GOLPH3: variants seen among roughly 807,000 people sequenced by gnomAD.
GOLPH3 encodes the protein coat protein GPP34.
Under a neutral mutation model 28.5 loss-of-function variants are expected in GOLPH3, and 14 were observed. The ratio of observed to expected loss-of-function variants is 0.49; its 90% CI spans 0.32 to 0.77. GOLPH3 has a LOEUF of 0.77. Ranked by LOEUF, GOLPH3 falls within the 30% of genes least tolerant of loss-of-function variation. The pLI is 0.03. For missense variants in GOLPH3, 350 were observed against 393.7 expected, an observed-to-expected ratio of 0.89 and a Z score of 0.94; for synonymous variants, 158 against 159.2, an observed-to-expected ratio of 0.99 and a Z score of 0.06.
chr5:32,162,817 G>A (rs1200789959), intron 1 of GOLPH3, among the ~76,000 whole-genome samples: 6 of 152,172 alleles, frequency 3.9e-5, no homozygotes, highest in African/African-American at 1.2e-4. Flanking sequence ...GGTGGCTCAC[G>A]CCTGTAATCC....
At position 32,143,867 on chromosome 5, in the gene GOLPH3, AATG is replaced by A. The variant is rs1746137331; in HGVS notation, c.236_238del (p.Ser79del). Reference sequence around the variant, plus strand: ...TCCAGATGATATACAGTCATTCCAAAATGATGTGTAACCCTATTAAAAAAAGAA... The same window carrying A: ...TCCAGATGATATACAGTCATTCCAAAATGTGTAACCCTATTAAAAAAAGAA... On this transcript the variant is annotated inframe_deletion, in exon 2 of 4. Transcript: ENST00000265070. 1.3e-6 allele frequency: 2 copies of A among 1,567,884 alleles called. No homozygotes were observed. The highest frequency in any genetic ancestry group is 1.2e-5 in the South Asian group (1 of 82,874).
At position 32,126,376 on chromosome 5, in the gene GOLPH3, C is replaced by T. The variant is rs1561653290; in HGVS notation, c.733G>A (p.Ala245Thr). 3 of 1,614,188 alleles carry T rather than the reference C, an allele frequency of 1.9e-6. No individual in the cohort carries two copies. Among genetic ancestry groups the T allele is most frequent in the Non-Finnish European group, 2.5e-6 (3 of 1,180,036 alleles). ...AAAGCATTCTCCAGGACGTCCGAGG[C>T]ATGAGCCAGGTAAATGAGGGCCAGC... ...RLLALIYLAH[A>T]SDVLENAFAP... The change falls in exon 4 of 4, where the codon GCC becomes ACC. Residue 245 changes from alanine (A) to threonine (T), a missense_variant. Physicochemically the swap from Ala to Thr is moderately conservative, Grantham distance 58. Coordinates refer to ENST00000265070, the MANE Select transcript of GOLPH3 (RefSeq NM_022130.4).
rs70961608 is a variant in GOLPH3 at position 32,155,956 on chromosome 5, C to CAAAAAAAA, written c.226-12084_226-12077dup. Among the ~76,000 whole-genome samples, 27 of 47,814 alleles carry CAAAAAAAA rather than the reference C, an allele frequency of 5.6e-4. 2 individuals carry two copies. Among genetic ancestry groups the CAAAAAAAA allele is most frequent in the South Asian group, 2.1e-3 (1 of 480 alleles). The allele number at this position is 47,814 out of a possible 152,430, so 31.4% of individuals were successfully genotyped here. A position where few individuals can be genotyped will look rare whatever the true frequency, so the allele number is the denominator to read the frequency against. ...GGGCAACAAGAGTGAAACACTGTCT[C>CAAAAAAAA]AAAAAAAAAAAAAAAAAAAAAAAAA... On this transcript the variant is annotated intron_variant, in intron 1 of 3. Transcript: ENST00000265070.
rs930897268 is a variant in GOLPH3 at position 32,174,279 on chromosome 5, C to G, written c.-245G>C. On this transcript the variant is annotated 5_prime_UTR_variant, in exon 1 of 4. Coordinates refer to ENST00000265070, the MANE Select transcript of GOLPH3 (RefSeq NM_022130.4). ...TGTGGCCGCAGTCCCCGAAACACCC[C>G]GAGCTCCAAGGCGGAGGCGGCGGCG... The G allele has an allele frequency of 2.9e-6, 1 of 348,586 alleles. No individual in the cohort carries two copies. Among genetic ancestry groups the G allele is most frequent in the African/African-American group, 2.1e-5 (1 of 46,948 alleles). 21.6% of individuals were successfully genotyped at this position (348,586 alleles called of 1,614,324 possible). A position where few individuals can be genotyped will look rare whatever the true frequency, so the allele number is the denominator to read the frequency against.
intron 1 of GOLPH3, among the ~76,000 whole-genome samples, chr5:32,145,771 T>A (rs1581545499): frequency 6.6e-6 from 1 of 152,162 alleles, no homozygotes; most frequent in Non-Finnish European, 1.5e-5. Context: ...CTAAATTTAG[T>A]GAATGGCTTT....
At chr5:32,148,942 C>G (rs1746242420) in intron 1 of GOLPH3, among the ~76,000 whole-genome samples, 1 of 151,904 alleles carries the variant, frequency 6.6e-6, no homozygotes, top group South Asian at 2.1e-4. Context: ...ACCACTGCAC[C>G]CCAGCCTGGG....
chr5:32,173,975 G>A lies in GOLPH3; in HGVS notation c.60C>T (p.Arg20=), dbSNP rs1746915362. Residue 20 remains arginine, a synonymous_variant, in exon 1 of 4, where the codon CGC becomes CGT. Coordinates refer to ENST00000265070, the MANE Select transcript of GOLPH3 (RefSeq NM_022130.4). ...CCGCCCGCTCCTTGTCGGCGGCGTTGCGGGAGGCCTCGGTGCGCCGCTGCA... is the reference window on the plus strand; with the variant it reads ...CCGCCCGCTCCTTGTCGGCGGCGTTACGGGAGGCCTCGGTGCGCCGCTGCA... The part of the protein sequence containing the change: ...GLVQRRTEAS[R]NAADKERAAG... The A allele has an allele frequency of 5.7e-6, 8 of 1,393,080 alleles. No individual in the cohort carries two copies. The highest frequency in any genetic ancestry group is 7.4e-6 in the Non-Finnish European group (8 of 1,081,078). 86.3% of individuals were successfully genotyped at this position (1,393,080 alleles called of 1,614,324 possible).
intron 1 of GOLPH3, among the ~76,000 whole-genome samples, chr5:32,150,169 A>G (rs956061971): frequency 6.6e-6 from 1 of 152,096 alleles, no homozygotes; most frequent in Non-Finnish European, 1.5e-5. Context: ...CTAAAAAGTT[A>G]AAATATAATT....
At chr5:32,173,153 T>C (rs964931168) in intron 1 of GOLPH3, among the ~76,000 whole-genome samples, 1 of 152,104 alleles carries the variant, frequency 6.6e-6, no homozygotes, top group Non-Finnish European at 1.5e-5. Context: ...TTGAGATTCA[T>C]CAACTGATAA....
intron 1 of GOLPH3, among the ~76,000 whole-genome samples, chr5:32,171,300 A>C (rs1746831175): frequency 6.6e-6 from 1 of 152,176 alleles, no homozygotes; most frequent in South Asian, 2.1e-4. Flanking sequence ...AAATTGCAAA[A>C]AAAATTTCAT....
At chr5:32,137,614 G>A (rs1415080362) in intron 2 of GOLPH3, among the ~76,000 whole-genome samples, 2 of 152,002 alleles carry the variant, frequency 1.3e-5, no homozygotes, top group Admixed American at 1.3e-4. Flanking sequence ...AGCTGAGATC[G>A]CACCTTTGCA....
chr5:32,153,144 C>T (rs2111872743), intron 1 of GOLPH3, among the ~76,000 whole-genome samples: 1 of 152,106 alleles, frequency 6.6e-6, no homozygotes, highest in East Asian at 1.9e-4. Context: ...ACTACAGAAC[C>T]ATAAAATATT....
rs552558182 is a variant in GOLPH3, at chr5:32,141,493, G to A, written c.357+2256C>T. On this transcript the variant is annotated intron_variant, in intron 2 of 3. Transcript: ENST00000265070. ...TCATAATCTGATGAAAAGATCAATA[G>A]CCTATGCGTAAATTGCACAATAACA... Among the ~76,000 whole-genome samples, 365 of 152,288 alleles carry A rather than the reference G, an allele frequency of 2.4e-3. 2 individuals carry two copies. The highest frequency in any genetic ancestry group is 8.5e-3 in the African/African-American group (353 of 41,546).
intron 3 of GOLPH3, among the ~76,000 whole-genome samples, chr5:32,129,135 T>C (rs187456836): frequency 4.9e-4 from 75 of 152,210 alleles, no homozygotes; most frequent in African/African-American, 1.6e-3. Context: ...TGAGCCGAGA[T>C]TGCACCACTG....
chr5:32,160,643 A>G (rs1746550874), intron 1 of GOLPH3, among the ~76,000 whole-genome samples: 1 of 152,264 alleles, frequency 6.6e-6, no homozygotes, highest in Non-Finnish European at 1.5e-5. Flanking sequence ...AGGATGTGAG[A>G]GCAACTAAGA....
chr5:32,134,520 TAA>T (rs1224752113), intron 3 of GOLPH3, among the ~76,000 whole-genome samples: 3 of 112,102 alleles, frequency 2.7e-5, no homozygotes, highest in Non-Finnish European at 5.8e-5. Flanking sequence ...AAAAATAAAA[TAA>T]AAAAAAAAAA....
At chr5:32,155,082 G>C (rs1746389013) in intron 1 of GOLPH3, among the ~76,000 whole-genome samples, 1 of 115,376 alleles carries the variant, frequency 8.7e-6, no homozygotes, top group Admixed American at 1.1e-4. Context: ...CTGGGCGACA[G>C]AGCAAGACTC....
intron 1 of GOLPH3, 125 bp downstream of exon 1, chr5:32,173,685 G>C (rs898799401): frequency 8.0e-5 from 48 of 600,774 alleles, no homozygotes; most frequent in Admixed American, 2.7e-4. Context: ...CACCAGGCGC[G>C]GACTTCGGAG....
At chr5:32,141,576 ACT>A (rs1340853999) in intron 2 of GOLPH3, among the ~76,000 whole-genome samples, 11 of 150,436 alleles carry the variant, frequency 7.3e-5, no homozygotes, top group African/African-American at 2.7e-4. Context: ...GCTGCAAATG[ACT>A]CTCCCTCTCC....
Sources: gnomAD v4.1 joint callset for allele counts (sites outside exome capture counted in the v4.1 genomes callset) on GRCh38, gnomAD v4.1.1 for gene constraint, MANE v1.5 for transcripts, NCBI Gene and HGNC (gene_info 2026-07-23, HGNC 2026-07-21) for gene names.